Variants in ABL2 observed in about 807,000 individuals in gnomAD.
ABL2 encodes the protein tyrosine-protein kinase ABL2.
In ABL2, 49 loss-of-function variants were observed where a neutral mutation model predicts 107.7. The ratio of observed to expected loss-of-function variants is 0.45; its 90% confidence interval spans 0.36 to 0.58. The LOEUF (loss-of-function observed/expected upper bound fraction) is 0.58, where lower values mean the gene tolerates loss of function less well. ABL2 is among the 20% of genes least tolerant of loss of function. The pLI is 0.00. For synonymous variants in ABL2, 549 were observed against 548.6 expected, an observed-to-expected ratio of 1.00 and a Z score of -0.01; for missense variants, 1,245 against 1,457.0, an observed-to-expected ratio of 0.85 and a Z score of 2.37.
intron 6 of ABL2, 36 bp downstream of exon 6, chr1:179,120,154 T>A (rs781764883): frequency 7.0e-7 from 1 of 1,432,136 alleles, no homozygotes; most frequent in East Asian, 2.4e-5. Flanking sequence ...GCAAGCATTT[T>A]TGGAGGAAAT....
intron 9 of ABL2, among the ~76,000 whole-genome samples, chr1:179,113,409 A>G (rs1572617004): frequency 6.6e-6 from 1 of 152,388 alleles, no homozygotes; most frequent in Non-Finnish European, 1.5e-5. Context: ...ATATAAAAGG[A>G]TATCAAAAAG....
Position 179,206,984 on chromosome 1 carries a change from TGAAA to T in ABL2, c.157+22253_157+22256del, listed in dbSNP as rs550648587. On this transcript the variant is annotated intron_variant, in intron 1 of 11. Transcript: ENST00000502732. Reference sequence around the variant, plus strand: ...AAGAGATGCCAAACCTTGCAGTTCCTGAAAGAGAGAGACAGAATATGCAGTCTTA... The same window carrying T: ...AAGAGATGCCAAACCTTGCAGTTCCTGAGAGAGACAGAATATGCAGTCTTA... Among the ~76,000 whole-genome samples the T allele has an allele frequency of 1.2e-3, 182 of 152,290 alleles. 1 individual carries two copies. Among genetic ancestry groups the T allele is most frequent in the African/African-American group, 3.5e-3 (147 of 41,576 alleles).
At chr1:179,162,178 C>T (rs1330188725) in intron 1 of ABL2, among the ~76,000 whole-genome samples, 1 of 152,146 alleles carries the variant, frequency 6.6e-6, no homozygotes, top group Non-Finnish European at 1.5e-5. Flanking sequence ...AAATAGATGT[C>T]ACAAGTCAAG....
At chr1:179,168,698 A>C (rs775760477) in intron 1 of ABL2, among the ~76,000 whole-genome samples, 2 of 152,186 alleles carry the variant, frequency 1.3e-5, no homozygotes, top group Non-Finnish European at 2.9e-5. Context: ...TGTACAGGAC[A>C]CAGAGTAGAT....
In ABL2 at chr1:179,126,539, A is replaced by G; in HGVS notation, c.525T>C (p.His175=). 6.2e-7 allele frequency: 1 copy of G among 1,614,206 alleles called. No homozygotes were observed. The highest frequency in any genetic ancestry group is 8.5e-7 in the Non-Finnish European group (1 of 1,180,050). ...CAGCTGCACTGCGTGACACAGGTCCATGGTACCAGGAGTGTTTTTCCAGGC... is the reference window on the plus strand; with the variant it reads ...CAGCTGCACTGCGTGACACAGGTCCGTGGTACCAGGAGTGTTTTTCCAGGC... ...VNSLEKHSWY[H]GPVSRSAAEY... The change falls in exon 4 of 12, where the codon CAT becomes CAC. Residue 175 remains histidine (H), a synonymous_variant. Coordinates refer to ENST00000502732, the MANE Select transcript of ABL2 (RefSeq NM_007314.4). This position sits in a 1 kb window ranked among gnomAD's most constrained non-coding sequence, Gnocchi z 4.4.
intron 1 of ABL2, among the ~76,000 whole-genome samples, chr1:179,143,614 A>G (rs1172531978): frequency 1.3e-5 from 2 of 152,264 alleles, no homozygotes; most frequent in Admixed American, 1.3e-4. Context: ...ATCTGGCTCT[A>G]TAGCTTAATA....
chr1:179,191,147 T>A lies in ABL2; in HGVS notation c.157+38094A>T, dbSNP rs115978683. ...CACTTTCAGAAAAGAAAACCCAGAA[T>A]GATGACAGTAATGAAATCCTTCATG... On this transcript the variant is annotated intron_variant, in intron 1 of 11. Coordinates refer to ENST00000502732, the MANE Select transcript of ABL2 (RefSeq NM_007314.4). 6.8e-3 allele frequency among the ~76,000 whole-genome samples: 1,043 copies of A among 152,308 alleles called. 7 individuals carry two copies. The highest frequency in any genetic ancestry group is 0.011 in the Non-Finnish European group (774 of 68,024).
At chr1:179,120,308 G>T in intron 5 of ABL2, 34 bp from the exon 6 acceptor site, 1 of 1,398,130 alleles carries the variant, frequency 7.2e-7, no homozygotes. Context: ...AGAAGAAAAC[G>T]AGAGGGACAA....
chr1:179,190,302 C>G (rs1399956755), intron 1 of ABL2, among the ~76,000 whole-genome samples: 1 of 151,954 alleles, frequency 6.6e-6, no homozygotes, highest in Admixed American at 6.6e-5. Context: ...GAGTGGCTCA[C>G]GGAACTCAGG....
chr1:179,174,233 A>C (rs1022728636), intron 1 of ABL2, among the ~76,000 whole-genome samples: 2 of 151,716 alleles, frequency 1.3e-5, no homozygotes, highest in Non-Finnish European at 2.9e-5. Context: ...GGCTGCAGTG[A>C]GCCGAGATCG....
chr1:179,160,152 A>G (rs528151278), intron 1 of ABL2, among the ~76,000 whole-genome samples: 2 of 152,286 alleles, frequency 1.3e-5, no homozygotes, highest in Admixed American at 1.3e-4. Flanking sequence ...TGTATTTTAT[A>G]TAACTTGTAT....
chr1:179,131,922 C>T (rs1656369911), intron 2 of ABL2, among the ~76,000 whole-genome samples: 1 of 152,174 alleles, frequency 6.6e-6, no homozygotes, highest in African/African-American at 2.4e-5. Context: ...ACCCTTATTC[C>T]TTTCTCTCTC....
intron 1 of ABL2, among the ~76,000 whole-genome samples, chr1:179,220,123 G>A (rs1044266024): frequency 1.3e-5 from 2 of 152,166 alleles, no homozygotes; most frequent in Non-Finnish European, 2.9e-5. Context: ...GCAAGACTTG[G>A]AGACAAAACT....
rs1329947547 is a variant in ABL2, at chr1:179,104,497, G to A, written c.*3221C>T. 9.5e-6 allele frequency: 2 copies of A among 211,488 alleles called. No homozygotes were observed. Among genetic ancestry groups the A allele is most frequent in the East Asian group, 7.1e-5 (1 of 14,012 alleles). 13.1% of individuals were successfully genotyped at this position (211,488 alleles called of 1,614,324 possible). A position where few individuals can be genotyped will look rare whatever the true frequency, so the allele number is the denominator to read the frequency against. On this transcript the variant is annotated 3_prime_UTR_variant, in exon 12 of 12. Coordinates refer to ENST00000502732, the MANE Select transcript of ABL2 (RefSeq NM_007314.4). ...AATCTTAAAATGCTGCTGGTAAAGG[G>A]TCTCCACTATAATGACCTCTATGTA...
Position 179,195,616 on chromosome 1 carries a change from G to A in ABL2, c.157+33625C>T, listed in dbSNP as rs904931557. 6.6e-5 allele frequency among the ~76,000 whole-genome samples: 10 copies of A among 152,234 alleles called. No homozygotes were observed. In the East Asian group the frequency reaches 1.9e-3, roughly 29 times the overall value. On this transcript the variant is annotated intron_variant, in intron 1 of 11. Transcript: ENST00000502732. Reference sequence around the variant, plus strand: ...CAGCATTAGTCACAATAGCCAAAAAGTGGAAGCAATCAAAGTAGTCCATAA... The same window carrying A: ...CAGCATTAGTCACAATAGCCAAAAAATGGAAGCAATCAAAGTAGTCCATAA...
intron 1 of ABL2, chr1:179,202,069 G>GA (rs1024128997): frequency 6.2e-4 from 140 of 225,992 alleles, no homozygotes; most frequent in East Asian, 1.0e-3. Flanking sequence ...TGAGGCAAAA[G>GA]AAAAAAAAAG....
intron 3 of ABL2, among the ~76,000 whole-genome samples, chr1:179,129,862 C>T (rs971608828): frequency 1.3e-5 from 2 of 152,140 alleles, no homozygotes; most frequent in African/African-American, 4.8e-5. Context: ...TTTACTTTCA[C>T]TTTTAATTCT....
At chr1:179,216,580 T>TA (rs575268611) in intron 1 of ABL2, among the ~76,000 whole-genome samples, 62 of 152,184 alleles carry the variant, frequency 4.1e-4, no homozygotes, top group Non-Finnish European at 7.1e-4. Context: ...AATAAATGAA[T>TA]AAAAAAATAG....
intron 1 of ABL2, among the ~76,000 whole-genome samples, chr1:179,175,592 A>T (rs1659993532): frequency 6.6e-6 from 1 of 152,240 alleles, no homozygotes; most frequent in Non-Finnish European, 1.5e-5. Flanking sequence ...GGGGTAGGAT[A>T]GTGGGGGAAC....
Sources: gnomAD v4.1 joint callset for allele counts (sites outside exome capture counted in the v4.1 genomes callset) on GRCh38, gnomAD v4.1.1 for gene constraint, Gnocchi (gnomAD v3.1) non-coding constraint, MANE v1.5 for transcripts, NCBI Gene and HGNC (gene_info 2026-07-23, HGNC 2026-07-21) for gene names.